The following RAB3GAP2 variants were observed in gnomAD, a reference collection of about 807,000 sequenced individuals.
The protein encoded by RAB3GAP2 is RAB3 GTPase activating non-catalytic protein subunit 2.
A neutral mutation model predicts 185.3 loss-of-function variants in RAB3GAP2; 87 were observed. The ratio of observed to expected loss-of-function variants is 0.47; its 90% CI spans 0.39 to 0.56. RAB3GAP2 has a LOEUF of 0.56. RAB3GAP2 is among the 20% of genes least tolerant of loss of function. RAB3GAP2 has a pLI of 0.00. For synonymous variants in RAB3GAP2, 554 were observed against 576.1 expected (o/e 0.96, Z 0.55); for missense variants, 1,492 against 1,638.2 (o/e 0.91, Z 1.54).
intron 9 of RAB3GAP2, chr1:220,200,634 C>T (rs753064693): frequency 1.9e-5 from 10 of 526,922 alleles, no homozygotes; most frequent in South Asian, 1.4e-4. Context: ...GTTTAATTAA[C>T]AGAGCAGGGA....
Position 220,218,864 on chromosome 1 carries a change from T to C in RAB3GAP2, c.181-4885A>G, listed in dbSNP as rs192686362. Among the ~76,000 whole-genome samples, 7 of 152,314 alleles carry C rather than the reference T, an allele frequency of 4.6e-5. No individual in the cohort carries two copies. In the East Asian group the frequency reaches 1.2e-3, roughly 25 times the overall value. Reference sequence around the variant, plus strand: ...GGAGCAGCTGTATACCTATTCCAACTGCAAGCTCCTGGTCACATGTAATTC... The same window carrying C: ...GGAGCAGCTGTATACCTATTCCAACCGCAAGCTCCTGGTCACATGTAATTC... On this transcript the variant is annotated intron_variant, in intron 2 of 34. Transcript: ENST00000358951.
chr1:220,157,023 A>G (rs960661264), intron 31 of RAB3GAP2, among the ~76,000 whole-genome samples: 1 of 152,072 alleles, frequency 6.6e-6, no homozygotes, highest in African/African-American at 2.4e-5. Context: ...AGAGGGAGAA[A>G]ATGAGTCTGT....
At chr1:220,223,073 C>T (rs1328639125) in intron 2 of RAB3GAP2, among the ~76,000 whole-genome samples, 3 of 152,146 alleles carry the variant, frequency 2.0e-5, no homozygotes, top group African/African-American at 7.2e-5. Context: ...GTCAGCGTCT[C>T]GCTCTGACGC....
intron 1 of RAB3GAP2, among the ~76,000 whole-genome samples, chr1:220,258,715 T>C (rs945354226): frequency 5.3e-5 from 8 of 152,132 alleles, no homozygotes; most frequent in East Asian, 1.9e-4. Flanking sequence ...TTATTCAACA[T>C]AGTATTGGAA....
intron 1 of RAB3GAP2, among the ~76,000 whole-genome samples, chr1:220,243,738 G>A (rs766223412): frequency 3.9e-5 from 6 of 152,168 alleles, no homozygotes; most frequent in African/African-American, 1.2e-4. Flanking sequence ...GCAATACAAC[G>A]AGGTGCTGCT....
chr1:220,200,426 G>A (rs1658827550), intron 9 of RAB3GAP2: 2 of 365,580 alleles, frequency 5.5e-6, no homozygotes, highest in African/African-American at 2.1e-5. Flanking sequence ...TTATCAGGGT[G>A]GGGTCCTATC....
At chr1:220,190,883 A>C (rs1419712760) in intron 14 of RAB3GAP2, among the ~76,000 whole-genome samples, 185 bp downstream of exon 14, 1 of 151,902 alleles carries the variant, frequency 6.6e-6, no homozygotes, top group East Asian at 1.9e-4. Flanking sequence ...TGGCATTTTT[A>C]ATTTTTTTTT....
intron 2 of RAB3GAP2, among the ~76,000 whole-genome samples, chr1:220,222,865 G>A (rs902002405): frequency 6.6e-6 from 1 of 152,050 alleles, no homozygotes; most frequent in African/African-American, 2.4e-5. Context: ...ATTTTTAGAT[G>A]TTAGGGATGG....
intron 1 of RAB3GAP2, among the ~76,000 whole-genome samples, chr1:220,244,367 C>T (rs12030504): frequency 0.095 from 14,494 of 152,162 alleles, 1,117 homozygotes; most frequent in African/African-American, 0.21. Context: ...AAGATCTCTA[C>T]AAGGAAAACT....
At chr1:220,218,780 A>G (rs1189652495) in intron 2 of RAB3GAP2, among the ~76,000 whole-genome samples, 1 of 152,148 alleles carries the variant, frequency 6.6e-6, no homozygotes, top group East Asian at 1.9e-4. Flanking sequence ...CACAAAATGC[A>G]ATGGTGTTGT....
In RAB3GAP2 at chr1:220,151,401, G is replaced by A. The variant is rs775812551; in HGVS notation, c.4032C>T (p.Pro1344=). 1 of 1,614,058 alleles carries A rather than the reference G, an allele frequency of 6.2e-7. No homozygotes were observed. Among genetic ancestry groups the A allele is most frequent in the Admixed American group, 1.7e-5 (1 of 59,996 alleles). The change falls in exon 35 of 35, where the codon CCC becomes CCT. Residue 1344 remains proline (P), a synonymous_variant. Transcript: ENST00000358951. ...GCACTTCAGTGTTTTGAAGGTCCTG[G>A]GGGTCCTGCAAATGGGACACAAAAA... ...TLCTWLKAMD[P]QDLQNTEVPI... is the part of the protein sequence containing the mutation.
chr1:220,164,378 G>A (rs1340480865), intron 27 of RAB3GAP2, among the ~76,000 whole-genome samples: 2 of 150,392 alleles, frequency 1.3e-5, no homozygotes, highest in Non-Finnish European at 2.9e-5. Context: ...CAGAAGTGGT[G>A]ATTACTATCA....
At chr1:220,254,322 T>A in intron 1 of RAB3GAP2, 2 of 1,613,512 alleles carry the variant, frequency 1.2e-6, no homozygotes, top group Non-Finnish European at 8.5e-7. Context: ...ATCATCCCGA[T>A]GCACCCATGT....
chr1:220,201,704 G>T (rs933329210), intron 9 of RAB3GAP2, among the ~76,000 whole-genome samples: 1 of 151,896 alleles, frequency 6.6e-6, no homozygotes, highest in South Asian at 2.1e-4. Flanking sequence ...TTCACTATGT[G>T]GGTCGGGCTA....
At chr1:220,250,038 T>G (rs1216288669) in intron 1 of RAB3GAP2, among the ~76,000 whole-genome samples, 2 of 152,140 alleles carry the variant, frequency 1.3e-5, no homozygotes, top group Non-Finnish European at 2.9e-5. Flanking sequence ...GAGTCCCCAC[T>G]AGGGCACTGT....
chr1:220,191,087 T>C lies in RAB3GAP2; in HGVS notation c.1468A>G (p.Asn490Asp). 1 of 1,613,782 alleles carries C rather than the reference T, an allele frequency of 6.2e-7. No individual in the cohort carries two copies. The highest frequency in any genetic ancestry group is 1.3e-5 in the African/African-American group (1 of 75,022). ...TQQGPRVGAF[N>D]VGKHCRLLYP... ...GCTTACCTGCAGTGCTTCCCCACAT[T>C]GAAAGCTCCTACTCTAGGTCCCTGC... is the stretch of plus-strand genomic sequence containing the variant. Residue 490 changes from asparagine to aspartate, a missense_variant, in exon 14 of 35, where the codon AAT becomes GAT. Physicochemically the swap from Asn to Asp is conservative, Grantham distance 23 (BLOSUM62 1). Around this residue, in one of 5 missense-constraint regions of RAB3GAP2, gnomAD observed 681 missense variants for 689.1 expected, o/e 0.99. Coordinates refer to ENST00000358951, the MANE Select transcript of RAB3GAP2 (RefSeq NM_012414.4).
intron 1 of RAB3GAP2, among the ~76,000 whole-genome samples, chr1:220,251,849 T>C (rs6702514): frequency 2.6e-5 from 4 of 152,202 alleles, no homozygotes; most frequent in Admixed American, 1.3e-4. Flanking sequence ...TAATATTATG[T>C]AACCATTAAG....
intron 1 of RAB3GAP2, among the ~76,000 whole-genome samples, chr1:220,269,395 T>C (rs1186163456): frequency 6.6e-6 from 1 of 152,174 alleles, no homozygotes; most frequent in African/African-American, 2.4e-5. Flanking sequence ...GGATTTTACG[T>C]TAAGTGCAAT....
At chr1:220,215,639 T>C (rs1241512193) in intron 2 of RAB3GAP2, among the ~76,000 whole-genome samples, 1 of 152,174 alleles carries the variant, frequency 6.6e-6, no homozygotes, top group Non-Finnish European at 1.5e-5. Flanking sequence ...AAAAACAAAA[T>C]TGGCCCTTTG....
Sources: allele counts gnomAD v4.1 joint callset (sites outside exome capture counted in the v4.1 genomes callset), GRCh38; gene constraint gnomAD v4.1.1; regional missense constraint gnomAD v4.1.1; transcripts MANE v1.5; gene names NCBI Gene and HGNC (gene_info 2026-07-23, HGNC 2026-07-21).